The following PDE4B variants were observed in gnomAD, a reference collection of about 807,000 sequenced individuals.
PDE4B encodes 3',5'-cyclic-AMP phosphodiesterase 4B.
PDE4B carries 20 observed loss-of-function variants against 82.2 expected under a neutral mutation model. The ratio of observed to expected loss-of-function variants is 0.24; its 90% CI spans 0.17 to 0.35. PDE4B has a LOEUF of 0.35. PDE4B is among the 10% of genes least tolerant of loss of function. The pLI, the probability that PDE4B is intolerant of heterozygous loss-of-function variation, is 1.00. For synonymous variants in PDE4B, 320 were observed against 318.9 expected (o/e 1.00, Z -0.04); for missense variants, 655 against 907.2 (o/e 0.72, Z 3.57).
intron 3 of PDE4B, among the ~76,000 whole-genome samples, chr1:65,919,912 T>C (rs1239316386): frequency 6.6e-6 from 1 of 152,182 alleles, no homozygotes; most frequent in Non-Finnish European, 1.5e-5. Context: ...GCATCAAATA[T>C]TTAATCAGAC....
At chr1:65,806,376 C>A (rs1196242487) in intron 1 of PDE4B, among the ~76,000 whole-genome samples, 1 of 152,090 alleles carries the variant, frequency 6.6e-6, no homozygotes, top group African/African-American at 2.4e-5. Context: ...ACAGTGTTTT[C>A]TAATCACTTA....
rs558615672 is a variant in PDE4B at position 66,232,357 on chromosome 1, T to C, written c.282-15103T>C. ...GCATCAGCACTACATTTTCAGACCT[T>C]TATCTGTTAAAATGTTTTTTTGCCC... is the stretch of plus-strand genomic sequence containing the variant. On this transcript the variant is annotated intron_variant, in intron 3 of 16. Transcript: ENST00000341517. 7.2e-5 allele frequency among the ~76,000 whole-genome samples: 11 copies of C among 152,286 alleles called. No individual in the cohort carries two copies. The South Asian group carries it at 2.3e-3, about 32-fold the overall frequency.
intron 3 of PDE4B, among the ~76,000 whole-genome samples, chr1:66,008,061 T>C (rs1652251513): frequency 6.6e-6 from 1 of 152,166 alleles, no homozygotes; most frequent in Non-Finnish European, 1.5e-5. Flanking sequence ...TGGATTCACA[T>C]GTTCCCTTAT....
chr1:65,992,832 C>G, intron 3 of PDE4B: 1 of 1,543,472 alleles, frequency 6.5e-7, no homozygotes, highest in Non-Finnish European at 8.7e-7. Flanking sequence ...TATCAGTCTT[C>G]TGACCTGCAG....
intron 3 of PDE4B, among the ~76,000 whole-genome samples, chr1:65,951,744 C>T (rs761988906): frequency 2.0e-5 from 3 of 152,020 alleles, no homozygotes; most frequent in Non-Finnish European, 4.4e-5. Flanking sequence ...GCTCTTTCAC[C>T]TTTTACCTGT....
At chr1:66,336,764 A>G (rs1660550698) in intron 8 of PDE4B, among the ~76,000 whole-genome samples, 1 of 152,200 alleles carries the variant, frequency 6.6e-6, no homozygotes, top group Admixed American at 6.5e-5. Context: ...TCGGCTACAG[A>G]TAACCATCAT....
intron 3 of PDE4B, among the ~76,000 whole-genome samples, chr1:66,124,765 C>G (rs1645785108): frequency 6.6e-6 from 1 of 152,156 alleles, no homozygotes; most frequent in Non-Finnish European, 1.5e-5. Context: ...ATTCCTGGCT[C>G]AAGCCACTGT....
intron 8 of PDE4B, among the ~76,000 whole-genome samples, chr1:66,332,993 A>C (rs1660241522): frequency 6.6e-6 from 1 of 152,252 alleles, no homozygotes; most frequent in East Asian, 1.9e-4. Context: ...GTTGCATTGC[A>C]ATCAGGTGTC....
chr1:66,178,285 C>T (rs1297494321), intron 3 of PDE4B, among the ~76,000 whole-genome samples: 1 of 151,986 alleles, frequency 6.6e-6, no homozygotes, highest in Non-Finnish European at 1.5e-5. Context: ...TCATAACAAT[C>T]TATTAGATAG....
chr1:66,176,582 T>A (rs1646936092), intron 3 of PDE4B, among the ~76,000 whole-genome samples: 1 of 152,364 alleles, frequency 6.6e-6, no homozygotes, highest in African/African-American at 2.4e-5. Flanking sequence ...TATTAAAAGA[T>A]AATCAAGTTA....
chr1:65,889,145 A>G (rs928956918), intron 1 of PDE4B, among the ~76,000 whole-genome samples: 6 of 152,154 alleles, frequency 3.9e-5, no homozygotes, highest in African/African-American at 1.4e-4. Context: ...TTTATCATGA[A>G]GGGATGTTGA....
intron 3 of PDE4B, among the ~76,000 whole-genome samples, chr1:65,997,082 G>T (rs997349804): frequency 2.0e-5 from 3 of 152,006 alleles, no homozygotes; most frequent in Non-Finnish European, 4.4e-5. Context: ...TTAGCAACTT[G>T]ATGCTCTCTG....
intron 10 of PDE4B, 48 bp downstream of exon 10, chr1:66,361,841 A>C (rs1662800135): frequency 6.8e-7 from 1 of 1,468,274 alleles, no homozygotes; most frequent in East Asian, 2.3e-5. Context: ...GCTTTACAGC[A>C]GACGGATGAC....
intron 3 of PDE4B, among the ~76,000 whole-genome samples, chr1:66,134,326 A>G (rs998274684): frequency 2.6e-5 from 4 of 152,234 alleles, no homozygotes; most frequent in African/African-American, 9.6e-5. Flanking sequence ...ATGCACTAAG[A>G]TAGAAGTGGT....
At chr1:66,292,920 A>G (rs992561122) in intron 7 of PDE4B, among the ~76,000 whole-genome samples, 1 of 152,178 alleles carries the variant, frequency 6.6e-6, no homozygotes, top group Admixed American at 6.5e-5. Flanking sequence ...TGACTTTAGT[A>G]CGAATGTTTG....
In PDE4B at chr1:66,203,234, C is replaced by T. The variant is rs148752908; in HGVS notation, c.282-44226C>T. On this transcript the variant is annotated intron_variant, in intron 3 of 16. Coordinates refer to ENST00000341517, the MANE Select transcript of PDE4B (RefSeq NM_002600.4). ...AGAGATCTGCTGTTACTCTGATGGGCTTCCCTTTGTGGGTAACCTGACCTT... is the reference window on the plus strand; with the variant it reads ...AGAGATCTGCTGTTACTCTGATGGGTTTCCCTTTGTGGGTAACCTGACCTT... 9.3e-3 allele frequency among the ~76,000 whole-genome samples: 1,414 copies of T among 152,248 alleles called. 18 individuals are homozygous for T. The highest frequency in any genetic ancestry group is 0.032 in the African/African-American group (1,348 of 41,498).
intron 8 of PDE4B, among the ~76,000 whole-genome samples, chr1:66,347,954 G>A (rs1395644585): frequency 1.3e-5 from 2 of 152,192 alleles, no homozygotes; most frequent in African/African-American, 4.8e-5. Flanking sequence ...TTGAGTGGTA[G>A]TTTCCCTGTT....
At chr1:66,152,602 G>A (rs889972069) in intron 3 of PDE4B, 17 of 176,628 alleles carry the variant, frequency 9.6e-5, no homozygotes, top group South Asian at 1.8e-4. Context: ...GTGTGTGTGT[G>A]TATACACATA....
chr1:65,907,979 A>G (rs189639988), intron 1 of PDE4B, among the ~76,000 whole-genome samples: 33 of 152,212 alleles, frequency 2.2e-4, no homozygotes, highest in African/African-American at 7.7e-4. Flanking sequence ...AGGCAGCCAG[A>G]TGGGTTCTGA....
Sources: gnomAD v4.1 joint callset for allele counts (sites outside exome capture counted in the v4.1 genomes callset) on GRCh38, gnomAD v4.1.1 for gene constraint, MANE v1.5 for transcripts, NCBI Gene and HGNC (gene_info 2026-07-23, HGNC 2026-07-21) for gene names.